The following DNAH8 variants were observed in gnomAD, a reference collection of about 807,000 sequenced individuals.
DNAH8 encodes dynein axonemal heavy chain 8, also known as axonemal beta dynein heavy chain 8.
DNAH8 carries 382 observed loss-of-function variants against 562.1 expected under a neutral mutation model. The ratio of observed to expected loss-of-function variants is 0.68; its 90% CI spans 0.63 to 0.74. DNAH8 has a LOEUF of 0.74. Ranked by LOEUF, DNAH8 falls within the 30% of genes least tolerant of loss-of-function variation. The pLI is 0.00. For synonymous variants in DNAH8, 1,881 were observed against 1,919.4 expected, an observed-to-expected ratio of 0.98 and a Z score of 0.52; for missense variants, 5,203 against 5,620.4, an observed-to-expected ratio of 0.93 and a Z score of 2.37.
chr6:38,926,318 G>C, intron 74 of DNAH8, 108 bp downstream of exon 74: 1 of 1,243,474 alleles, frequency 8.0e-7, no homozygotes, highest in Non-Finnish European at 1.1e-6. Flanking sequence ...ACAAATGTTT[G>C]CTAATTCACA....
At position 38,862,341 on chromosome 6, in the gene DNAH8, G is replaced by A. The variant is rs1776703470; in HGVS notation, c.6193G>A (p.Ala2065Thr). Residue 2065 changes from alanine to threonine, a missense_variant, in exon 44 of 93, where the codon GCT becomes ACT. By Grantham distance (58) the Ala-to-Thr change is moderately conservative. Around this residue, in one of 6 missense-constraint regions of DNAH8, gnomAD observed 2,176 missense variants for 2,365.1 expected, o/e 0.92. Transcript: ENST00000327475. Reference sequence around the variant, plus strand: ...CATGGGAGGTGCTCCCGCAGGACCTGCTGGCACTGGCAAAACAGAAACCAC... The same window carrying A: ...CATGGGAGGTGCTCCCGCAGGACCTACTGGCACTGGCAAAACAGAAACCAC... The part of the protein sequence containing the change: ...MNMGGAPAGP[A>T]GTGKTETTKD... 6.2e-7 allele frequency: 1 copy of A among 1,614,172 alleles called. No individual in the cohort carries two copies. Among genetic ancestry groups the A allele is most frequent in the South Asian group, 1.1e-5 (1 of 91,076 alleles).
chr6:38,819,787 A>G (rs1220883044), intron 26 of DNAH8, among the ~76,000 whole-genome samples: 1 of 152,182 alleles, frequency 6.6e-6, no homozygotes, highest in Non-Finnish European at 1.5e-5. Context: ...TTTATGTATA[A>G]AAGATCAACA....
chr6:38,941,718 A>T (rs752247616), intron 79 of DNAH8, among the ~76,000 whole-genome samples: 2 of 152,084 alleles, frequency 1.3e-5, no homozygotes, highest in Non-Finnish European at 2.9e-5. Flanking sequence ...CCTCACTTGG[A>T]CTTGGGCTGC....
intron 82 of DNAH8, among the ~76,000 whole-genome samples, chr6:38,962,098 C>A (rs1762640592): frequency 6.6e-6 from 1 of 151,886 alleles, no homozygotes; most frequent in African/African-American, 2.4e-5. Flanking sequence ...TTTTAAAATA[C>A]TCATTTAAAG....
At chr6:38,899,988 A>G in intron 62 of DNAH8, 82 bp downstream of exon 62, 1 of 1,207,428 alleles carries the variant, frequency 8.3e-7, no homozygotes. Flanking sequence ...GAAGCACAAC[A>G]GTTTCCTGTA....
Position 38,974,354 on chromosome 6 carries a change from C to G in DNAH8, c.12679-20C>G. 6 of 1,576,492 alleles carry G rather than the reference C, an allele frequency of 3.8e-6. No individual in the cohort carries two copies. Among genetic ancestry groups the G allele is most frequent in the Non-Finnish European group, 5.2e-6 (6 of 1,162,160 alleles). On this transcript the variant is annotated intron_variant, in intron 84 of 92. Transcript: ENST00000327475. ...ATAGTAATTTATAGAAACAAAAGCA[C>G]TGTTTTCTTTTCATGACAGACCTCT...
chr6:38,971,260 T>C (rs773945484), intron 82 of DNAH8, among the ~76,000 whole-genome samples: 6 of 152,182 alleles, frequency 3.9e-5, no homozygotes, highest in Non-Finnish European at 7.3e-5. Flanking sequence ...TACAAATACC[T>C]GTGATAGCAT....
chr6:38,906,224 T>C (rs1178613943), intron 62 of DNAH8, 30 bp from the exon 63 acceptor site: 2 of 1,469,706 alleles, frequency 1.4e-6, no homozygotes, highest in Admixed American at 3.7e-5. Context: ...TATTTTTTAA[T>C]CTAAAACTTT....
rs1184427486 is a variant in DNAH8, at chr6:38,923,996, T to C, written c.10796T>C (p.Val3599Ala). 3 of 1,613,858 alleles carry C rather than the reference T, an allele frequency of 1.9e-6. No individual in the cohort carries two copies. The highest frequency in any genetic ancestry group is 2.7e-5 in the African/African-American group (2 of 74,936). The part of the protein sequence containing the change: ...KEFKAQINRL[V>A]GDILLCTGFL... ...GCTGTGTGTTTTCTTCACAGACTTG[T>C]AGGTGATATTCTGCTGTGCACGGGA... The change falls in exon 73 of 93, where the codon GTA becomes GCA. Residue 3599 changes from valine (V) to alanine (A), a missense_variant. By Grantham distance (64) the Val-to-Ala change is moderately conservative. This residue lies in a region of DNAH8 where 1,399 missense variants were observed against 1,518.4 expected (regional missense o/e 0.92). Transcript: ENST00000327475.
intron 59 of DNAH8, among the ~76,000 whole-genome samples, chr6:38,895,456 T>C (rs1779613835): frequency 6.6e-6 from 1 of 152,182 alleles, no homozygotes. Context: ...ATTGTATATA[T>C]TTTCTACAAA....
Position 38,723,200 on chromosome 6 carries a change from G to C in DNAH8, c.390+1G>C. The stretch of plus-strand genomic sequence containing the variant: ...ACAGGAAACATTAAAAGAGAGACAG[G>C]TTTGCTTCTAATACGATTTTTCATG... On this transcript the variant is annotated splice_donor_variant, in intron 2 of 92. Coordinates refer to ENST00000327475, the MANE Select transcript of DNAH8 (RefSeq NM_001206927.2). LOFTEE classifies it high-confidence loss of function. 1 of 1,601,976 alleles carries C rather than the reference G, an allele frequency of 6.2e-7. No homozygotes were observed. Among genetic ancestry groups the C allele is most frequent in the Non-Finnish European group, 8.5e-7 (1 of 1,175,464 alleles).
rs773587098 is a variant in DNAH8, at chr6:38,722,819, G to C, written c.10G>C (p.Asp4His). 4.7e-5 allele frequency: 75 copies of C among 1,586,694 alleles called. No homozygotes were observed. Among genetic ancestry groups the C allele is most frequent in the Non-Finnish European group, 5.8e-5 (68 of 1,168,054 alleles). The change falls in exon 2 of 93, where the codon GAT becomes CAT. Residue 4 changes from aspartate (D) to histidine (H), a missense_variant. Physicochemically the swap from Asp to His is moderately conservative, Grantham distance 81. Around this residue, in one of 6 missense-constraint regions of DNAH8, gnomAD observed 556 missense variants for 496.9 expected, o/e 1.12. Transcript: ENST00000327475. The stretch of plus-strand genomic sequence containing the variant: ...TTCCGCACGACGGGGGATGGAGAAG[G>C]ATGCTGAAGATGGCGCCCCTTCTGA... MEK[D>H]AEDGAPSEGA...
Position 38,815,609 on chromosome 6 carries a change from A to G in DNAH8, c.3475A>G (p.Thr1159Ala). 1 of 1,614,014 alleles carries G rather than the reference A, an allele frequency of 6.2e-7. No homozygotes were observed. Among genetic ancestry groups the G allele is most frequent in the Non-Finnish European group, 8.5e-7 (1 of 1,179,950 alleles). ...GTCTGTCATTCCCAGCCCCACCACTACTGACGTGACCCATCAAAACACAGG... is the reference window on the plus strand; with the variant it reads ...GTCTGTCATTCCCAGCCCCACCACTGCTGACGTGACCCATCAAAACACAGG... Reference protein sequence around the residue: ...IKSVIPSPTTTDVTHQNTGKL... With the variant: ...IKSVIPSPTTADVTHQNTGKL... Residue 1159 changes from threonine (T) to alanine (A), a missense_variant, in exon 26 of 93, where the codon ACT becomes GCT. By Grantham distance (58) the Thr-to-Ala change is moderately conservative. Transcript: ENST00000327475.
chr6:38,920,572 A>G (rs1727445165), intron 70 of DNAH8, among the ~76,000 whole-genome samples: 1 of 152,200 alleles, frequency 6.6e-6, no homozygotes, highest in South Asian at 2.1e-4. Flanking sequence ...TAACAATCCT[A>G]AATGTGTACA....
At chr6:38,955,500 G>A (rs1408439444) in intron 82 of DNAH8, among the ~76,000 whole-genome samples, 5 of 151,914 alleles carry the variant, frequency 3.3e-5, no homozygotes, top group South Asian at 2.1e-4. Context: ...GTGTGGTGGC[G>A]GGCACTTGTA....
chr6:38,781,327 T>A lies in DNAH8; in HGVS notation c.2213T>A (p.Val738Glu), dbSNP rs1250489452. The A allele has an allele frequency of 5.0e-6, 8 of 1,613,836 alleles. No individual in the cohort carries two copies. The highest frequency in any genetic ancestry group is 1.3e-5 in the African/African-American group (1 of 74,910). Reference protein sequence around the residue: ...MPPIAGKILWVRQLYRRISEP... With the variant: ...MPPIAGKILWERQLYRRISEP... Reference sequence around the variant, plus strand: ...CCTATAGCAGGAAAAATACTCTGGGTGAGGCAGCTCTATCGCCGGATAAGT... The same window carrying A: ...CCTATAGCAGGAAAAATACTCTGGGAGAGGCAGCTCTATCGCCGGATAAGT... Residue 738 changes from valine (V) to glutamate (E), a missense_variant, in exon 16 of 93, where the codon GTG (valine) becomes GAG (glutamate). Coordinates refer to ENST00000327475, the MANE Select transcript of DNAH8 (RefSeq NM_001206927.2).
intron 75 of DNAH8, among the ~76,000 whole-genome samples, chr6:38,930,883 G>A (rs1319092110): frequency 6.6e-6 from 1 of 152,038 alleles, no homozygotes. Context: ...CTGAAAGTTT[G>A]TACCCTTTGA....
chr6:38,993,151 C>T (rs907503283), intron 88 of DNAH8, among the ~76,000 whole-genome samples: 1 of 152,180 alleles, frequency 6.6e-6, no homozygotes, highest in African/African-American at 2.4e-5. Flanking sequence ...TTCCCCCATT[C>T]CATATTGATA....
chr6:38,851,849 C>G (rs772718056), intron 39 of DNAH8, among the ~76,000 whole-genome samples, 175 bp downstream of exon 39: 1 of 152,196 alleles, frequency 6.6e-6, no homozygotes, highest in East Asian at 1.9e-4. Flanking sequence ...TGATGCAGTC[C>G]AGCAGTGTTA....
Sources: allele counts gnomAD v4.1 joint callset (sites outside exome capture counted in the v4.1 genomes callset), GRCh38; gene constraint gnomAD v4.1.1; regional missense constraint gnomAD v4.1.1; transcripts MANE v1.5; gene names NCBI Gene and HGNC (gene_info 2026-07-23, HGNC 2026-07-21).